The following PLCB4 variants were observed in gnomAD, a reference collection of about 807,000 sequenced individuals.
PLCB4 encodes 1-phosphatidylinositol 4,5-bisphosphate phosphodiesterase beta-4.
A neutral mutation model predicts 178.8 loss-of-function variants in PLCB4; 77 were observed. The ratio of observed to expected loss-of-function variants is 0.43; its 90% CI spans 0.36 to 0.52. The LOEUF (loss-of-function observed/expected upper bound fraction) is 0.52, where lower values mean the gene tolerates loss of function less well. Among genes scored for constraint, PLCB4 ranks in the 20% least tolerant of loss-of-function variants. PLCB4 has a pLI of 0.00. For missense variants in PLCB4, 1,024 were observed against 1,453.4 expected, an observed-to-expected ratio of 0.70 and a Z score of 4.80; for synonymous variants, 496 against 490.8, an observed-to-expected ratio of 1.01 and a Z score of -0.14.
intron 2 of PLCB4, among the ~76,000 whole-genome samples, chr20:9,145,983 A>T (rs1252917155): frequency 6.6e-6 from 1 of 152,146 alleles, no homozygotes; most frequent in Non-Finnish European, 1.5e-5. Flanking sequence ...AATTTCCAGC[A>T]GAAGAAACTC....
intron 3 of PLCB4, among the ~76,000 whole-genome samples, chr20:9,224,484 C>T (rs2093839377): frequency 6.6e-6 from 1 of 152,170 alleles, no homozygotes; most frequent in African/African-American, 2.4e-5. Flanking sequence ...GTTCTCCTCT[C>T]ATTTTTTAAT....
chr20:9,464,830 C>G (rs1197023608), intron 35 of PLCB4, among the ~76,000 whole-genome samples: 1 of 152,142 alleles, frequency 6.6e-6, no homozygotes, highest in Non-Finnish European at 1.5e-5. Context: ...CAGACAGATT[C>G]ACAGCCGAAT....
intron 2 of PLCB4, among the ~76,000 whole-genome samples, chr20:9,201,951 T>C (rs1235316195): frequency 6.6e-6 from 1 of 152,238 alleles, no homozygotes; most frequent in East Asian, 1.9e-4. Context: ...GGTAGCTTCA[T>C]GTAGAGTCAT....
At chr20:9,456,848 G>A (rs1338740657) in intron 33 of PLCB4, among the ~76,000 whole-genome samples, 2 of 152,304 alleles carry the variant, frequency 1.3e-5, no homozygotes, top group East Asian at 3.9e-4. Flanking sequence ...TGTTTCAGCA[G>A]CGATGTGGAT....
chr20:9,082,482 G>A (rs2090202516), intron 1 of PLCB4, among the ~76,000 whole-genome samples: 1 of 152,020 alleles, frequency 6.6e-6, no homozygotes. Flanking sequence ...CTTAAGAGGT[G>A]TTTTCTTCAC....
At chr20:9,449,622 A>G (rs2042630358) in intron 32 of PLCB4, among the ~76,000 whole-genome samples, 1 of 152,288 alleles carries the variant, frequency 6.6e-6, no homozygotes, top group South Asian at 2.1e-4. Flanking sequence ...AAAATCCAAA[A>G]CTAAAAACTA....
In PLCB4 at chr20:9,099,739, G is replaced by A. The variant is rs539492005; in HGVS notation, c.-79+3397G>A. On this transcript the variant is annotated intron_variant, in intron 2 of 39. Transcript: ENST00000378473. ...CAAAGCCTGGTTTACCCTATAAATC[G>A]TGGGAGATTTTTATGGACAGGAGTC... 2.2e-3 allele frequency among the ~76,000 whole-genome samples: 332 copies of A among 152,216 alleles called. 1 individual carries two copies. Among genetic ancestry groups the A allele is most frequent in the African/African-American group, 7.8e-3 (324 of 41,540 alleles).
intron 4 of PLCB4, among the ~76,000 whole-genome samples, chr20:9,330,788 T>C (rs1021466423): frequency 6.6e-6 from 1 of 152,238 alleles, no homozygotes; most frequent in African/African-American, 2.4e-5. Context: ...TCTGGCACAT[T>C]TCCATCATCA....
At chr20:9,392,705 G>A (rs895275310) in intron 17 of PLCB4, among the ~76,000 whole-genome samples, 1 of 152,128 alleles carries the variant, frequency 6.6e-6, no homozygotes, top group Admixed American at 6.5e-5. Flanking sequence ...GATGGCGTAT[G>A]GTGCTTTATT....
At chr20:9,205,819 C>A (rs887463244) in intron 2 of PLCB4, among the ~76,000 whole-genome samples, 1 of 152,136 alleles carries the variant, frequency 6.6e-6, no homozygotes, top group African/African-American at 2.4e-5. Context: ...TGTTCTTTAC[C>A]TATATAATTT....
chr20:9,077,167 T>C (rs560454551), intron 1 of PLCB4, among the ~76,000 whole-genome samples: 1 of 152,348 alleles, frequency 6.6e-6, no homozygotes, highest in South Asian at 2.1e-4. Context: ...CTTTCTAACA[T>C]TGCATAAAAT....
At chr20:9,404,105 T>C (rs186832786) in intron 20 of PLCB4, among the ~76,000 whole-genome samples, 278 of 152,000 alleles carry the variant, frequency 1.8e-3, no homozygotes, top group African/African-American at 6.4e-3. Flanking sequence ...GAATCTGGAG[T>C]GTGTTTGAAA....
At chr20:9,112,123 A>G (rs1019365358) in intron 2 of PLCB4, among the ~76,000 whole-genome samples, 5 of 152,178 alleles carry the variant, frequency 3.3e-5, no homozygotes, top group African/African-American at 1.2e-4. Flanking sequence ...TTAGCATTTC[A>G]TAACAACTGT....
At chr20:9,152,799 G>A (rs1389718406) in intron 2 of PLCB4, among the ~76,000 whole-genome samples, 3 of 152,102 alleles carry the variant, frequency 2.0e-5, no homozygotes, top group Non-Finnish European at 4.4e-5. Flanking sequence ...CTTGCACCAT[G>A]TGCCTGGAAA....
chr20:9,076,197 T>G lies in PLCB4; in HGVS notation c.-135+6991T>G, dbSNP rs542241082. 3.3e-5 allele frequency among the ~76,000 whole-genome samples: 5 copies of G among 152,286 alleles called. No homozygotes were observed. In the East Asian group the frequency reaches 9.7e-4, roughly 29 times the overall value. ...AATAAGAACACCTGGCCGGGCGCGA[T>G]GGCTCACGCCTGTAATTTCAGCACT... On this transcript the variant is annotated intron_variant, in intron 1 of 39. Transcript: ENST00000378473.
At chr20:9,243,072 A>T (rs932313557) in intron 3 of PLCB4, among the ~76,000 whole-genome samples, 4 of 152,226 alleles carry the variant, frequency 2.6e-5, no homozygotes, top group Admixed American at 1.3e-4. Context: ...AATATTTGGG[A>T]TGTACTTTTA....
intron 2 of PLCB4, among the ~76,000 whole-genome samples, chr20:9,135,262 A>G (rs1379103771): frequency 6.6e-6 from 1 of 152,148 alleles, no homozygotes; most frequent in Admixed American, 6.6e-5. Context: ...TTTGTCAAGT[A>G]TACCTTATTA....
At chr20:9,372,439 T>C (rs2036329526) in intron 11 of PLCB4, 36 bp downstream of exon 11, 3 of 1,032,326 alleles carry the variant, frequency 2.9e-6, no homozygotes, top group Admixed American at 1.9e-5. Context: ...CATATAAATA[T>C]TATCACTGTC....
intron 20 of PLCB4, among the ~76,000 whole-genome samples, chr20:9,403,605 A>G (rs2039210942): frequency 6.6e-6 from 1 of 152,342 alleles, no homozygotes; most frequent in East Asian, 1.9e-4. Context: ...GAAAAAGGAA[A>G]GTGACCTACA....
Sources: gnomAD v4.1 joint callset for allele counts (sites outside exome capture counted in the v4.1 genomes callset) on GRCh38, gnomAD v4.1.1 for gene constraint, MANE v1.5 for transcripts, NCBI Gene and HGNC (gene_info 2026-07-23, HGNC 2026-07-21) for gene names.